RASA1: variants seen among roughly 807,000 people sequenced by gnomAD.
The protein encoded by RASA1 is RAS p21 protein activator 1, also known as ras GTPase-activating protein 1.
A neutral mutation model predicts 132.2 loss-of-function variants in RASA1; 25 were observed. That is an observed-to-expected ratio of 0.19 (90% CI 0.14 to 0.26). The LOEUF (loss-of-function observed/expected upper bound fraction) is 0.26. Among genes scored for constraint, RASA1 ranks in the 10% least tolerant of loss-of-function variants. RASA1 has a pLI of 1.00. For missense variants in RASA1, 964 were observed against 1,299.2 expected (o/e 0.74, Z 3.97); for synonymous variants, 477 against 449.9 (o/e 1.06, Z -0.76).
chr5:87,285,381 T>C (rs1222095056), intron 1 of RASA1, among the ~76,000 whole-genome samples: 1 of 151,926 alleles, frequency 6.6e-6, no homozygotes, highest in Non-Finnish European at 1.5e-5. Context: ...ATGGTACCTT[T>C]TAATTAATTT....
intron 1 of RASA1, among the ~76,000 whole-genome samples, chr5:87,325,891 C>G (rs766699326): frequency 7.9e-5 from 12 of 152,100 alleles, no homozygotes; most frequent in Admixed American, 6.6e-4. Context: ...TTTCTCTGAT[C>G]AAGTGAGACA....
intron 17 of RASA1, 129 bp downstream of exon 17, chr5:87,377,169 C>A: frequency 7.9e-7 from 1 of 1,272,842 alleles, no homozygotes; most frequent in East Asian, 2.5e-5. Flanking sequence ...TCTGTTTTCC[C>A]TCCTTAAAAA....
At chr5:87,340,756 A>G (rs950258139) in intron 5 of RASA1, among the ~76,000 whole-genome samples, 3 of 152,164 alleles carry the variant, frequency 2.0e-5, no homozygotes, top group Non-Finnish European at 2.9e-5. Flanking sequence ...TTATCTAACA[A>G]GTAGAAAGCA....
chr5:87,375,550 T>TA (rs1260495593), intron 15 of RASA1, among the ~76,000 whole-genome samples: 2 of 152,126 alleles, frequency 1.3e-5, no homozygotes, highest in Non-Finnish European at 2.9e-5. Context: ...ACCATATAAG[T>TA]AAAAAAGTAT....
chr5:87,289,970 G>A (rs1045843745), intron 1 of RASA1, among the ~76,000 whole-genome samples: 5 of 151,896 alleles, frequency 3.3e-5, no homozygotes, highest in African/African-American at 9.7e-5. Flanking sequence ...AGTCACTTTC[G>A]AGCTTTGTTA....
At chr5:87,346,345 C>G (rs1758857255) in intron 6 of RASA1, among the ~76,000 whole-genome samples, 1 of 151,844 alleles carries the variant, frequency 6.6e-6, no homozygotes, top group Non-Finnish European at 1.5e-5. Context: ...TCTATCTGTA[C>G]TACTCCTCCT....
At chr5:87,363,618 AC>A (rs1760279575) in intron 11 of RASA1, 114 bp downstream of exon 11, 7 of 1,202,338 alleles carry the variant, frequency 5.8e-6, no homozygotes, top group Non-Finnish European at 8.4e-6. Context: ...TAGCAGATGC[AC>A]TTTCTAGGTA....
chr5:87,327,186 G>C (rs1251907713), intron 1 of RASA1, among the ~76,000 whole-genome samples: 1 of 152,112 alleles, frequency 6.6e-6, no homozygotes, highest in Non-Finnish European at 1.5e-5. Context: ...CATTCTCTGA[G>C]GTAGACACTA....
chr5:87,372,931 C>T (rs1423738298), intron 13 of RASA1, among the ~76,000 whole-genome samples: 2 of 152,066 alleles, frequency 1.3e-5, no homozygotes, highest in Admixed American at 1.3e-4. Flanking sequence ...ATTTAGGTGA[C>T]TAAATAGTCC....
intron 1 of RASA1, among the ~76,000 whole-genome samples, chr5:87,319,909 A>G (rs1397071680): frequency 6.6e-6 from 1 of 152,152 alleles, no homozygotes; most frequent in Non-Finnish European, 1.5e-5. Flanking sequence ...ATAAGTTCCA[A>G]TTTCACACCG....
chr5:87,373,076 T>G (rs1761065960), intron 13 of RASA1, among the ~76,000 whole-genome samples: 1 of 152,160 alleles, frequency 6.6e-6, no homozygotes, highest in Non-Finnish European at 1.5e-5. Context: ...AAGTTGTATT[T>G]TGTGTGAAAC....
intron 8 of RASA1, 149 bp from the exon 9 acceptor site, chr5:87,353,008 T>C (rs1580334263): frequency 4.7e-6 from 3 of 633,716 alleles, no homozygotes; most frequent in East Asian, 2.8e-5. Context: ...ATGAATGTTA[T>C]GATCATTTAT....
At chr5:87,335,910 T>A (rs1757942538) in intron 4 of RASA1, among the ~76,000 whole-genome samples, 2 of 152,192 alleles carry the variant, frequency 1.3e-5, no homozygotes, top group African/African-American at 4.8e-5. Context: ...CACTGATAAA[T>A]AGTTTTGGAT....
intron 1 of RASA1, among the ~76,000 whole-genome samples, chr5:87,292,918 G>C (rs996536192): frequency 6.6e-6 from 1 of 152,098 alleles, no homozygotes; most frequent in African/African-American, 2.4e-5. Flanking sequence ...AAATGGTAAT[G>C]TGTTTTAAGT....
intron 8 of RASA1, among the ~76,000 whole-genome samples, chr5:87,352,509 G>A (rs1268960322): frequency 6.6e-6 from 1 of 151,648 alleles, no homozygotes; most frequent in South Asian, 2.1e-4. Flanking sequence ...AAAAAAATAC[G>A]TGGTTCACTA....
intron 18 of RASA1, among the ~76,000 whole-genome samples, chr5:87,379,253 A>G (rs1438462668): frequency 6.6e-6 from 1 of 152,168 alleles, no homozygotes. Flanking sequence ...TTGGCCTAAC[A>G]TAAGGATGAC....
At chr5:87,382,764 C>T (rs1761807693) in intron 20 of RASA1, among the ~76,000 whole-genome samples, 1 of 151,956 alleles carries the variant, frequency 6.6e-6, no homozygotes, top group South Asian at 2.1e-4. Flanking sequence ...CTTTTTAAAA[C>T]TTTAGAATTC....
intron 5 of RASA1, among the ~76,000 whole-genome samples, chr5:87,340,672 A>C (rs888589875): frequency 6.6e-6 from 1 of 152,186 alleles, no homozygotes; most frequent in African/African-American, 2.4e-5. Context: ...GTTGATGTTC[A>C]CTTTTTACGG....
chr5:87,379,990 A>G (rs1761597005), intron 19 of RASA1, 140 bp downstream of exon 19: 2 of 918,888 alleles, frequency 2.2e-6, no homozygotes, highest in South Asian at 3.3e-5. Context: ...TATGAGATGA[A>G]TTGTATTTAA....
Sources: gnomAD v4.1 joint callset for allele counts (sites outside exome capture counted in the v4.1 genomes callset) on GRCh38, gnomAD v4.1.1 for gene constraint, MANE v1.5 for transcripts, NCBI Gene and HGNC (gene_info 2026-07-23, HGNC 2026-07-21) for gene names.